The following PRKAR2A variants were observed in gnomAD, a reference collection of about 807,000 sequenced individuals.
The protein encoded by PRKAR2A is protein kinase cAMP-dependent type II regulatory subunit alpha.
A neutral mutation model predicts 51.9 loss-of-function variants in PRKAR2A; 29 were observed. The observed-to-expected ratio is 0.56, with a 90% CI of 0.42 to 0.76. The LOEUF is 0.76. Ranked by LOEUF, PRKAR2A falls within the 30% of genes least tolerant of loss-of-function variation. The pLI, the probability that PRKAR2A is intolerant of heterozygous loss-of-function variation, is 0.00. For synonymous variants in PRKAR2A, 178 were observed against 186.2 expected (o/e 0.96, Z 0.36); for missense variants, 445 against 512.1 (o/e 0.87, Z 1.26).
intron 1 of PRKAR2A, among the ~76,000 whole-genome samples, chr3:48,844,503 C>CTATA (rs2083429982): frequency 6.6e-6 from 1 of 151,230 alleles, no homozygotes; most frequent in South Asian, 2.1e-4. Flanking sequence ...ACCCAAAGGA[C>CTATA]TATAAATCAT....
intron 1 of PRKAR2A, among the ~76,000 whole-genome samples, chr3:48,823,881 T>C (rs2083012835): frequency 6.7e-6 from 1 of 150,220 alleles, no homozygotes; most frequent in African/African-American, 2.5e-5. Flanking sequence ...CAGGAGGAAA[T>C]TTGAAGAGGT....
chr3:48,819,056 G>A (rs2107396881), intron 1 of PRKAR2A, among the ~76,000 whole-genome samples: 1 of 151,718 alleles, frequency 6.6e-6, no homozygotes, highest in South Asian at 2.1e-4. Context: ...AGGCTGGAGT[G>A]CAGTGGTGCA....
chr3:48,754,845 G>T (rs2081732551), intron 9 of PRKAR2A, among the ~76,000 whole-genome samples: 1 of 151,352 alleles, frequency 6.6e-6, no homozygotes, highest in South Asian at 2.1e-4. Flanking sequence ...GAAACTAGGG[G>T]GTTGGAGGTT....
chr3:48,785,617 G>C (rs979310546), intron 4 of PRKAR2A, among the ~76,000 whole-genome samples: 8 of 152,038 alleles, frequency 5.3e-5, no homozygotes, highest in African/African-American at 1.9e-4. Context: ...GACTGGTCTT[G>C]AACTCCTGAC....
intron 2 of PRKAR2A, among the ~76,000 whole-genome samples, chr3:48,807,089 A>T (rs2082685822): frequency 6.6e-6 from 1 of 152,068 alleles, no homozygotes; most frequent in Non-Finnish European, 1.5e-5. Flanking sequence ...TTTTTTTAAC[A>T]ACCAAAAGAA....
chr3:48,817,325 C>CAATA (rs10545720), intron 1 of PRKAR2A, among the ~76,000 whole-genome samples: 70 of 139,156 alleles, frequency 5.0e-4, no homozygotes, highest in Non-Finnish European at 7.0e-4. Flanking sequence ...GACTACGTCT[C>CAATA]AATAAATAAA....
At chr3:48,810,444 C>G (rs1194174984) in intron 1 of PRKAR2A, among the ~76,000 whole-genome samples, 3 of 151,980 alleles carry the variant, frequency 2.0e-5, no homozygotes, top group African/African-American at 7.2e-5. Context: ...CTTATAATAC[C>G]TACTAATATG....
chr3:48,769,979 T>C (rs946010252), intron 6 of PRKAR2A, among the ~76,000 whole-genome samples: 4 of 152,212 alleles, frequency 2.6e-5, no homozygotes, highest in South Asian at 2.1e-4. Flanking sequence ...TTTCACCACG[T>C]TGCCCATGCT....
intron 1 of PRKAR2A, among the ~76,000 whole-genome samples, chr3:48,831,057 C>G (rs1164436000): frequency 6.6e-6 from 1 of 152,108 alleles, no homozygotes; most frequent in Non-Finnish European, 1.5e-5. Context: ...GGCCACAGAC[C>G]AATACTGGTC....
downstream of PRKAR2A, among the ~76,000 whole-genome samples, chr3:48,745,718 T>C (rs1208637800): frequency 2.0e-5 from 3 of 151,998 alleles, no homozygotes; most frequent in East Asian, 1.9e-4. Context: ...TTTGTGTTTT[T>C]AGTAGAGACT....
chr3:48,762,217 G>A (rs967329728), intron 8 of PRKAR2A, among the ~76,000 whole-genome samples: 18 of 151,964 alleles, frequency 1.2e-4, no homozygotes, highest in African/African-American at 4.1e-4. Context: ...TCAGGAGTTC[G>A]AGACCAGGCT....
At chr3:48,784,377 C>T (rs146813916) in intron 4 of PRKAR2A, among the ~76,000 whole-genome samples, 308 of 152,270 alleles carry the variant, frequency 2.0e-3, no homozygotes, top group Non-Finnish European at 3.2e-3. Context: ...TTTAGTTCCA[C>T]GTGCGTTGAA....
chr3:48,837,543 T>C (rs576170060), intron 1 of PRKAR2A, among the ~76,000 whole-genome samples: 1 of 152,306 alleles, frequency 6.6e-6, no homozygotes, highest in East Asian at 1.9e-4. Context: ...AGACTGGCAA[T>C]TCCTCAAAAG....
In PRKAR2A at chr3:48,751,371, A is replaced by G; in HGVS notation, c.*214T>C. The G allele has an allele frequency of 1.4e-6, 1 of 710,934 alleles. No homozygotes were observed. Among genetic ancestry groups the G allele is most frequent in the Non-Finnish European group, 2.5e-6 (1 of 397,432 alleles). 44.0% of individuals were successfully genotyped at this position (710,934 alleles called of 1,614,324 possible). ...AGTAATCTTTACAAGTGGTCTAATG[A>G]ATGGGCCTTCAGAAGCAAAGTGGAG... On this transcript the variant is annotated 3_prime_UTR_variant, in exon 11 of 11. Coordinates refer to ENST00000265563, the MANE Select transcript of PRKAR2A (RefSeq NM_004157.4).
chr3:48,773,021 A>C lies in PRKAR2A; in HGVS notation c.630T>G (p.Ala210=). 1 of 1,613,992 alleles carries C rather than the reference A, an allele frequency of 6.2e-7. No individual in the cohort carries two copies. The highest frequency in any genetic ancestry group is 2.2e-5 in the East Asian group (1 of 44,882). The change falls in exon 6 of 11, where the codon GCT becomes GCG. Residue 210 remains alanine, a synonymous_variant. Transcript: ENST00000265563. ...YDNRGSFGEL[A]LMYNTPRAAT... is the part of the protein sequence containing the mutation. ...CAGCTCTCGGGGTGTTGTACATCAG[A>C]GCTAGTTCTCCAAAACTGCCACGGT...
intron 4 of PRKAR2A, 65 bp from the exon 5 acceptor site, chr3:48,783,157 A>G: frequency 9.8e-7 from 1 of 1,019,886 alleles, no homozygotes; most frequent in Non-Finnish European, 1.5e-6. Context: ...CAGTGACCAT[A>G]ATTATCTCAA....
chr3:48,794,468 A>C (rs565662207), intron 2 of PRKAR2A, among the ~76,000 whole-genome samples: 5 of 152,242 alleles, frequency 3.3e-5, no homozygotes, highest in African/African-American at 1.2e-4. Context: ...AGGCTGAGGC[A>C]GATGGATCAT....
In PRKAR2A at chr3:48,801,428, C is replaced by A. The variant is rs563622118; in HGVS notation, c.298+6221G>T. ...TCAGCCTCCCGAAGTGCCGGGATTA[C>A]AGGTGTGAGCCACCATGCCCAGCCA... On this transcript the variant is annotated intron_variant, in intron 2 of 10. Coordinates refer to ENST00000265563, the MANE Select transcript of PRKAR2A (RefSeq NM_004157.4). Among the ~76,000 whole-genome samples, 3 of 152,228 alleles carry A rather than the reference C, an allele frequency of 2.0e-5. No individual in the cohort carries two copies. In the South Asian group the frequency reaches 6.2e-4, roughly 32 times the overall value.
At chr3:48,825,745 C>G (rs1185857368) in intron 1 of PRKAR2A, among the ~76,000 whole-genome samples, 1 of 152,170 alleles carries the variant, frequency 6.6e-6, no homozygotes, top group Non-Finnish European at 1.5e-5. Context: ...TGGTGTATGT[C>G]TTCTCATCAG....
Sources: allele counts gnomAD v4.1 joint callset (sites outside exome capture counted in the v4.1 genomes callset), GRCh38; gene constraint gnomAD v4.1.1; transcripts MANE v1.5; gene names NCBI Gene and HGNC (gene_info 2026-07-23, HGNC 2026-07-21).